KCNAB2: variants seen among roughly 807,000 people sequenced by gnomAD.
KCNAB2 encodes the protein voltage-gated potassium channel subunit beta-2.
Under a neutral mutation model 63.6 loss-of-function variants are expected in KCNAB2, and 29 were observed. The observed-to-expected ratio is 0.46, with a 90% CI of 0.34 to 0.62. The LOEUF is 0.62. Among genes scored for constraint, KCNAB2 ranks in the 20% least tolerant of loss-of-function variants. The pLI is 0.01. For missense variants in KCNAB2, 359 were observed against 563.9 expected, an observed-to-expected ratio of 0.64 and a Z score of 3.68; for synonymous variants, 222 against 224.2, an observed-to-expected ratio of 0.99 and a Z score of 0.09.
chr1:6,026,924 C>G (rs1659225480), intron 1 of KCNAB2, among the ~76,000 whole-genome samples: 1 of 152,198 alleles, frequency 6.6e-6, no homozygotes, highest in African/African-American at 2.4e-5. Context: ...GAGTGGAAGG[C>G]GCGAAGGCCC....
Position 6,087,975 on chromosome 1 carries a change from T to C in KCNAB2, c.470+464T>C, listed in dbSNP as rs1490790368. Among the ~76,000 whole-genome samples the C allele has an allele frequency of 1.3e-5, 2 of 152,204 alleles. 1 individual carries two copies. Among genetic ancestry groups the C allele is most frequent in the South Asian group, 4.1e-4 (2 of 4,834 alleles). ...GCAGGTCTCCAAGTGTCTAGCTCCA[T>C]AGTTTCTGGGCTGGACACACTTGGG... On this transcript the variant is annotated intron_variant, in intron 7 of 15. Coordinates refer to ENST00000378083, the MANE Select transcript of KCNAB2 (RefSeq NM_001199862.2). The surrounding 1 kb of genome is among the most constrained non-coding windows in gnomAD (Gnocchi z 6.4).
chr1:6,048,239 C>T (rs919707668), intron 1 of KCNAB2, among the ~76,000 whole-genome samples: 15 of 152,242 alleles, frequency 9.9e-5, no homozygotes, highest in African/African-American at 3.1e-4. Context: ...AGTTCCTTCC[C>T]GCCCTGCCTG....
intron 1 of KCNAB2, among the ~76,000 whole-genome samples, chr1:6,040,327 C>T (rs947474175): frequency 2.0e-5 from 3 of 152,132 alleles, no homozygotes; most frequent in African/African-American, 7.2e-5. Context: ...CCTCCTGAGC[C>T]CGTGGACCTG....
intron 4 of KCNAB2, among the ~76,000 whole-genome samples, chr1:6,076,710 G>A (rs1571040442): frequency 6.6e-6 from 1 of 152,182 alleles, no homozygotes; most frequent in African/African-American, 2.4e-5. Context: ...TAACCGTACT[G>A]GGGTAGGGAC....
At chr1:6,093,983 G>A (rs1470897095) in intron 10 of KCNAB2, among the ~76,000 whole-genome samples, 1 of 152,180 alleles carries the variant, frequency 6.6e-6, no homozygotes, top group South Asian at 2.1e-4. Context: ...CAATCTGACT[G>A]TAACGTTCAT....
chr1:6,095,288 G>C, intron 11 of KCNAB2, 35 bp from the exon 12 acceptor site: 1 of 1,586,848 alleles, frequency 6.3e-7, no homozygotes, highest in South Asian at 1.1e-5. Flanking sequence ...CTGCTCACAG[G>C]CAAGGGCCCT....
chr1:6,042,668 G>C (rs1660588052), upstream of KCNAB2, among the ~76,000 whole-genome samples: 1 of 152,226 alleles, frequency 6.6e-6, no homozygotes, highest in Non-Finnish European at 1.5e-5. Context: ...GCTTCTGGCA[G>C]CAGGTCCCTG....
At chr1:6,005,843 G>T (rs537317731) in intron 1 of KCNAB2, among the ~76,000 whole-genome samples, 1 of 151,782 alleles carries the variant, frequency 6.6e-6, no homozygotes, top group Non-Finnish European at 1.5e-5. Context: ...CTGGAGGGAG[G>T]TCCCAGGGCT....
chr1:6,051,561 A>G lies in KCNAB2; in HGVS notation c.25A>G (p.Ser9Gly), dbSNP rs1423620147. Reference protein sequence around the residue: MLSMTYSESLRSVSSRCHS... With the variant: MLSMTYSEGLRSVSSRCHS... Reference sequence around the variant, plus strand: ...CATGCTGTCCATGACGTACAGCGAGAGTCTGCGGAGCGTGAGCAGCAGGTG... The same window carrying G: ...CATGCTGTCCATGACGTACAGCGAGGGTCTGCGGAGCGTGAGCAGCAGGTG... Residue 9 changes from serine (S) to glycine (G), a missense_variant, in exon 2 of 16, where the codon AGT becomes GGT. Around this residue, in one of 2 missense-constraint regions of KCNAB2, gnomAD observed 88 missense variants for 87.8 expected, o/e 1.00. Transcript: ENST00000378083. 7 of 1,532,746 alleles carry G rather than the reference A, an allele frequency of 4.6e-6. No individual in the cohort carries two copies. The highest frequency in any genetic ancestry group is 6.1e-6 in the Non-Finnish European group (7 of 1,144,758). 94.9% of individuals were successfully genotyped at this position (1,532,746 alleles called of 1,614,324 possible).
At chr1:6,048,384 C>T (rs964986380) in intron 1 of KCNAB2, among the ~76,000 whole-genome samples, 1 of 152,226 alleles carries the variant, frequency 6.6e-6, no homozygotes, top group Non-Finnish European at 1.5e-5. Flanking sequence ...TCTCATGCAG[C>T]CCACAGCAGC....
upstream of KCNAB2, chr1:6,041,834 T>C (rs1660526529): frequency 6.2e-7 from 1 of 1,613,574 alleles, no homozygotes. Context: ...TCCGAAGTAC[T>C]CGGTATGGGA....
chr1:6,032,602 G>A (rs1659705188), upstream of KCNAB2, among the ~76,000 whole-genome samples: 1 of 150,016 alleles, frequency 6.7e-6, no homozygotes, highest in Non-Finnish European at 1.5e-5. Context: ...GAGAGAGAAA[G>A]CAAGCAAGAA....
chr1:6,096,899 C>G lies in KCNAB2; in HGVS notation c.1069+143C>G. On this transcript the variant is annotated intron_variant, in intron 14 of 15. Transcript: ENST00000378083. This position sits in a 1 kb window ranked among gnomAD's most constrained non-coding sequence, Gnocchi z 5.9. Reference sequence around the variant, plus strand: ...CCCTGGACATCATCCCCCAGCCAGCCTCGGGTAATCGGGCTCTAAGGGGCA... The same window carrying G: ...CCCTGGACATCATCCCCCAGCCAGCGTCGGGTAATCGGGCTCTAAGGGGCA... 1 of 1,176,284 alleles carries G rather than the reference C, an allele frequency of 8.5e-7. No individual in the cohort carries two copies. Among genetic ancestry groups the G allele is most frequent in the Non-Finnish European group, 1.2e-6 (1 of 864,404 alleles). 72.9% of individuals were successfully genotyped at this position (1,176,284 alleles called of 1,614,324 possible).
chr1:6,005,403 CTGAGGG>C (rs1557922429), intron 1 of KCNAB2, among the ~76,000 whole-genome samples: 2 of 86,816 alleles, frequency 2.3e-5, no homozygotes, highest in African/African-American at 1.2e-4. Context: ...GGGAGCTGAG[CTGAGGG>C]GTGGGGGTGG....
chr1:6,086,723 G>A lies in KCNAB2; in HGVS notation c.426-744G>A, dbSNP rs564379433. ...TCGTGTGGACTTAGAGCAGAAGAACGAATTACTTCCCTTTGCGCTGCTCAA... is the reference window on the plus strand; with the variant it reads ...TCGTGTGGACTTAGAGCAGAAGAACAAATTACTTCCCTTTGCGCTGCTCAA... On this transcript the variant is annotated intron_variant, in intron 6 of 15. Coordinates refer to ENST00000378083, the MANE Select transcript of KCNAB2 (RefSeq NM_001199862.2). The surrounding 1 kb of genome is among the most constrained non-coding windows in gnomAD (Gnocchi z 4.2). Among the ~76,000 whole-genome samples the A allele has an allele frequency of 1.5e-4, 23 of 152,238 alleles. No individual in the cohort carries two copies. The East Asian group carries it at 2.9e-3, about 19-fold the overall frequency.
intron 1 of KCNAB2, among the ~76,000 whole-genome samples, chr1:6,014,805 G>T (rs565370086): frequency 1.3e-5 from 2 of 152,276 alleles, no homozygotes; most frequent in African/African-American, 2.4e-5. Flanking sequence ...GGCTAGGCTC[G>T]CAGGCAGCAT....
chr1:6,081,084 G>A (rs960229514), intron 4 of KCNAB2, among the ~76,000 whole-genome samples: 3 of 152,172 alleles, frequency 2.0e-5, no homozygotes, highest in Admixed American at 6.5e-5. Context: ...GGCTCCCCTC[G>A]CTCCATGAGT....
upstream of KCNAB2, among the ~76,000 whole-genome samples, chr1:6,033,182 AGTG>A (rs766749941): frequency 2.6e-5 from 4 of 152,012 alleles, no homozygotes; most frequent in East Asian, 1.9e-4. Context: ...TTCAGAGAAA[AGTG>A]TGTGTGTGCA....
intron 2 of KCNAB2, chr1:6,040,794 C>T (rs1034334888): frequency 2.5e-5 from 15 of 590,420 alleles, no homozygotes; most frequent in African/African-American, 5.6e-5. Context: ...TTGAGGTGCA[C>T]GCTGGTGAGC....
Sources: gnomAD v4.1 joint callset for allele counts (sites outside exome capture counted in the v4.1 genomes callset) on GRCh38, gnomAD v4.1.1 for gene constraint, gnomAD v4.1.1 regional missense constraint, Gnocchi (gnomAD v3.1) non-coding constraint, MANE v1.5 for transcripts, NCBI Gene and HGNC (gene_info 2026-07-23, HGNC 2026-07-21) for gene names.